The following DLG2 variants were observed in gnomAD, a reference collection of about 807,000 sequenced individuals.
The protein encoded by DLG2 is discs large MAGUK scaffold protein 2.
Under a neutral mutation model 132.5 loss-of-function variants are expected in DLG2, and 45 were observed. The ratio of observed to expected loss-of-function variants is 0.34; its 90% CI spans 0.27 to 0.44. The LOEUF is 0.44. Ranked by LOEUF, DLG2 falls within the 20% of genes least tolerant of loss-of-function variation. The pLI is 1.00. For synonymous variants in DLG2, 424 were observed against 419.6 expected, an observed-to-expected ratio of 1.01 and a Z score of -0.13; for missense variants, 1,045 against 1,196.9, an observed-to-expected ratio of 0.87 and a Z score of 1.87.
At chr11:83,872,429 T>C (rs2063651544) in intron 16 of DLG2, among the ~76,000 whole-genome samples, 1 of 152,204 alleles carries the variant, frequency 6.6e-6, no homozygotes, top group Non-Finnish European at 1.5e-5. Flanking sequence ...GAATAGAATA[T>C]ATTGTGTTAT....
In DLG2 at chr11:85,310,015, T is replaced by C. The variant is rs544792918; in HGVS notation, c.41-24650A>G. Among the ~76,000 whole-genome samples the C allele has an allele frequency of 7.5e-4, 114 of 152,338 alleles. No individual in the cohort carries two copies. The Middle Eastern group carries it at 0.014, about 18-fold the overall frequency. On this transcript the variant is annotated intron_variant, in intron 3 of 27. Coordinates refer to ENST00000376104, the MANE Select transcript of DLG2 (RefSeq NM_001142699.3). The stretch of plus-strand genomic sequence containing the variant: ...TGCTGATACAATCATTTTAGAAAGC[T>C]ATAAACCATCCAATTGGTTTGAAGG...
At chr11:85,612,481 G>A (rs936886893) in intron 2 of DLG2, among the ~76,000 whole-genome samples, 5 of 152,196 alleles carry the variant, frequency 3.3e-5, no homozygotes, top group East Asian at 1.9e-4. Flanking sequence ...TCAAATGTGC[G>A]AGCTGTTTGC....
intron 6 of DLG2, among the ~76,000 whole-genome samples, chr11:84,813,519 G>A (rs569033898): frequency 1.3e-5 from 2 of 152,038 alleles, no homozygotes; most frequent in Non-Finnish European, 2.9e-5. Context: ...TCTTTGCAAT[G>A]TATAGGAAAA....
At position 85,598,637 on chromosome 11, in the gene DLG2, A is replaced by C. The variant is rs2079947875; in HGVS notation, c.40+20T>G. 2.6e-6 allele frequency: 4 copies of C among 1,526,752 alleles called. No individual in the cohort carries two copies. Among genetic ancestry groups the C allele is most frequent in the Non-Finnish European group, 3.5e-6 (4 of 1,139,880 alleles). 94.6% of individuals were successfully genotyped at this position (1,526,752 alleles called of 1,614,324 possible). The stretch of plus-strand genomic sequence containing the variant: ...CCAATTCTGACCATTAAAATGATGA[A>C]TAACTTTCATAATACATACCTAGCA... On this transcript the variant is annotated intron_variant, in intron 3 of 27. Transcript: ENST00000376104.
At chr11:84,753,637 T>C (rs933012064) in intron 6 of DLG2, among the ~76,000 whole-genome samples, 2 of 152,204 alleles carry the variant, frequency 1.3e-5, no homozygotes, top group African/African-American at 2.4e-5. Flanking sequence ...TGTATTCACA[T>C]AGGAGATCAG....
intron 12 of DLG2, among the ~76,000 whole-genome samples, chr11:83,966,421 T>C (rs962838208): frequency 1.3e-5 from 2 of 152,152 alleles, no homozygotes; most frequent in South Asian, 4.1e-4. Flanking sequence ...CCTCTTTCTT[T>C]ATTGCATGGA....
intron 10 of DLG2, among the ~76,000 whole-genome samples, chr11:84,068,757 C>A (rs1385039026): frequency 1.3e-5 from 2 of 152,078 alleles, no homozygotes; most frequent in Non-Finnish European, 2.9e-5. Flanking sequence ...ATGCCTGGCA[C>A]CTAGTGGGAA....
chr11:84,038,845 T>C (rs1481170982), intron 11 of DLG2, among the ~76,000 whole-genome samples: 1 of 151,956 alleles, frequency 6.6e-6, no homozygotes, highest in Admixed American at 6.6e-5. Flanking sequence ...CTTCACATGA[T>C]GTTAGGAATG....
At chr11:85,416,734 C>G (rs1159306163) in intron 3 of DLG2, among the ~76,000 whole-genome samples, 2 of 152,138 alleles carry the variant, frequency 1.3e-5, no homozygotes, top group African/African-American at 4.8e-5. Context: ...CATGATTTGG[C>G]TCTCTGTTTG....
At chr11:83,553,168 G>C (rs2096433031) in intron 19 of DLG2, among the ~76,000 whole-genome samples, 1 of 152,110 alleles carries the variant, frequency 6.6e-6, no homozygotes, top group Non-Finnish European at 1.5e-5. Flanking sequence ...TCAGAAAATT[G>C]CCTCATCTTG....
chr11:84,239,168 T>A (rs1004395626), intron 8 of DLG2, among the ~76,000 whole-genome samples: 2 of 152,168 alleles, frequency 1.3e-5, no homozygotes, highest in Admixed American at 6.5e-5. Flanking sequence ...TTATGGAATT[T>A]ATTTATTTTA....
intron 11 of DLG2, among the ~76,000 whole-genome samples, chr11:84,054,961 A>G (rs1002012679): frequency 6.6e-6 from 1 of 152,096 alleles, no homozygotes; most frequent in Non-Finnish European, 1.5e-5. Context: ...TGAAGTAGCC[A>G]TATTCATATT....
intron 7 of DLG2, among the ~76,000 whole-genome samples, chr11:84,524,907 T>G (rs374548211): frequency 6.6e-6 from 1 of 151,932 alleles, no homozygotes; most frequent in Admixed American, 6.6e-5. Flanking sequence ...TGCTATTTGG[T>G]CAACACCATC....
intron 6 of DLG2, among the ~76,000 whole-genome samples, chr11:84,713,570 C>T (rs1270874039): frequency 3.3e-5 from 5 of 152,074 alleles, no homozygotes; most frequent in African/African-American, 1.2e-4. Flanking sequence ...CTCCTATTAA[C>T]TCAAAGTCTA....
intron 7 of DLG2, among the ~76,000 whole-genome samples, chr11:84,416,027 C>A (rs917373852): frequency 1.3e-5 from 2 of 151,942 alleles, no homozygotes; most frequent in Admixed American, 1.3e-4. Flanking sequence ...GGCTTCTTTC[C>A]AGTTCTTTCT....
chr11:85,547,965 A>C (rs1316578762), intron 3 of DLG2, among the ~76,000 whole-genome samples: 2 of 151,978 alleles, frequency 1.3e-5, no homozygotes, highest in African/African-American at 4.8e-5. Context: ...TTTATTACCC[A>C]CCTTCTGAAG....
intron 17 of DLG2, among the ~76,000 whole-genome samples, chr11:83,819,554 A>G (rs1298432010): frequency 1.3e-5 from 2 of 150,870 alleles, no homozygotes; most frequent in African/African-American, 4.9e-5. Flanking sequence ...TCTTAATTCT[A>G]TCATAAATCT....
intron 10 of DLG2, among the ~76,000 whole-genome samples, chr11:84,096,096 G>A (rs527319877): frequency 5.0e-4 from 76 of 152,334 alleles, no homozygotes; most frequent in Non-Finnish European, 9.7e-4. Context: ...ACCAACACAT[G>A]AGATTTTAGA....
intron 6 of DLG2, among the ~76,000 whole-genome samples, chr11:84,650,861 G>GTATA (rs1565560648): frequency 2.7e-5 from 2 of 73,896 alleles, no homozygotes; most frequent in Middle Eastern, 6.3e-3. Context: ...GTGTGTGTGT[G>GTATA]TGTGTGTGTG....
Sources: allele counts gnomAD v4.1 joint callset (sites outside exome capture counted in the v4.1 genomes callset), GRCh38; gene constraint gnomAD v4.1.1; transcripts MANE v1.5; gene names NCBI Gene and HGNC (gene_info 2026-07-23, HGNC 2026-07-21).